ROBO1: variants seen among roughly 807,000 people sequenced by gnomAD.
ROBO1 encodes roundabout guidance receptor 1, also known as roundabout homolog 1.
Under a neutral mutation model 195.9 loss-of-function variants are expected in ROBO1, and 149 were observed. The observed-to-expected ratio is 0.76, with a 90% CI of 0.67 to 0.87. The LOEUF (loss-of-function observed/expected upper bound fraction) is 0.87. ROBO1 is among the 40% of genes least tolerant of loss of function. The probability of loss-of-function intolerance (pLI) is 0.00; values close to 1 mark genes in which losing one functional copy is unlikely to be tolerated. For synonymous variants in ROBO1, 816 were observed against 733.2 expected, an observed-to-expected ratio of 1.11 and a Z score of -1.82; for missense variants, 1,933 against 2,068.3, an observed-to-expected ratio of 0.93 and a Z score of 1.27.
At chr3:79,061,508 G>A (rs2108403885) in intron 3 of ROBO1, among the ~76,000 whole-genome samples, 1 of 152,012 alleles carries the variant, frequency 6.6e-6, no homozygotes, top group East Asian at 1.9e-4. Context: ...CTACTTTAAA[G>A]TTCATATGGA....
At chr3:79,406,373 A>G (rs1284859045) in intron 2 of ROBO1, among the ~76,000 whole-genome samples, 2 of 151,892 alleles carry the variant, frequency 1.3e-5, no homozygotes, top group Admixed American at 6.6e-5. Flanking sequence ...TCAATGCTAC[A>G]GTGAGCTAGG....
chr3:79,714,284 C>G (rs1055771747), intron 1 of ROBO1, among the ~76,000 whole-genome samples: 5 of 152,092 alleles, frequency 3.3e-5, no homozygotes, highest in African/African-American at 1.2e-4. Flanking sequence ...AAATGCAAAT[C>G]AAAACCACAA....
At chr3:78,974,803 A>G (rs1035971813) in intron 3 of ROBO1, among the ~76,000 whole-genome samples, 1 of 152,218 alleles carries the variant, frequency 6.6e-6, no homozygotes, top group African/African-American at 2.4e-5. Context: ...TCAAAGATAT[A>G]TCATTTGAGA....
chr3:79,133,973 G>T (rs1158378876), intron 2 of ROBO1, among the ~76,000 whole-genome samples: 1 of 151,908 alleles, frequency 6.6e-6, no homozygotes, highest in South Asian at 2.1e-4. Flanking sequence ...GGACATAGGC[G>T]TGGGCAAGGA....
intron 2 of ROBO1, among the ~76,000 whole-genome samples, chr3:79,521,138 C>T (rs1941191322): frequency 6.6e-6 from 1 of 152,136 alleles, no homozygotes. Flanking sequence ...ACAATTGCTC[C>T]TTTTCTGATT....
chr3:79,633,705 T>C (rs1363193120), intron 1 of ROBO1, among the ~76,000 whole-genome samples: 1 of 135,678 alleles, frequency 7.4e-6, no homozygotes, highest in Admixed American at 7.9e-5. Flanking sequence ...ACATCTTTTA[T>C]ATACATACTT....
intron 1 of ROBO1, among the ~76,000 whole-genome samples, chr3:79,733,339 T>C (rs1424980470): frequency 6.6e-6 from 1 of 152,230 alleles, no homozygotes; most frequent in Non-Finnish European, 1.5e-5. Flanking sequence ...TGAGATATTG[T>C]TGTAGGATGA....
chr3:79,430,163 T>C (rs1167864147), intron 2 of ROBO1, among the ~76,000 whole-genome samples: 1 of 152,120 alleles, frequency 6.6e-6, no homozygotes, highest in African/African-American at 2.4e-5. Flanking sequence ...ATCAACTTGT[T>C]AAGGTACTAT....
intron 4 of ROBO1, among the ~76,000 whole-genome samples, chr3:78,863,233 A>G (rs1273587091): frequency 6.6e-6 from 1 of 152,156 alleles, no homozygotes; most frequent in African/African-American, 2.4e-5. Context: ...CCTGTGTCTC[A>G]CACCTAGTGA....
At position 78,857,239 on chromosome 3, in the gene ROBO1, G is replaced by T. The variant is rs986181371; in HGVS notation, c.499+81362C>A. Among the ~76,000 whole-genome samples, 3 of 152,118 alleles carry T rather than the reference G, an allele frequency of 2.0e-5. No homozygotes were observed. The East Asian group carries it at 5.8e-4, about 29-fold the overall frequency. Reference sequence around the variant, plus strand: ...TACTGAAAATGTCTACATAAAAAAGGTTGTAGCCTCATAGGCAAGTTTCAT... The same window carrying T: ...TACTGAAAATGTCTACATAAAAAAGTTTGTAGCCTCATAGGCAAGTTTCAT... On this transcript the variant is annotated intron_variant, in intron 4 of 30. Coordinates refer to ENST00000464233, the MANE Select transcript of ROBO1 (RefSeq NM_002941.4).
chr3:79,429,261 C>T (rs2038576920), intron 2 of ROBO1, among the ~76,000 whole-genome samples: 1 of 152,122 alleles, frequency 6.6e-6, no homozygotes, highest in Non-Finnish European at 1.5e-5. Flanking sequence ...ATTGGAGTTG[C>T]TGGTTCATCC....
intron 10 of ROBO1, 128 bp from the exon 11 acceptor site, chr3:78,670,429 G>C (rs1344568272): frequency 1.8e-5 from 13 of 718,240 alleles, no homozygotes; most frequent in South Asian, 1.3e-4. Flanking sequence ...TAAAGTAGCA[G>C]ACATGCATTA....
chr3:79,497,286 T>C (rs1939799506), intron 2 of ROBO1, among the ~76,000 whole-genome samples: 2 of 152,228 alleles, frequency 1.3e-5, no homozygotes, highest in African/African-American at 4.8e-5. Flanking sequence ...TTGTCAAAAC[T>C]GAATTTCAAA....
intron 3 of ROBO1, among the ~76,000 whole-genome samples, chr3:79,054,448 T>C (rs576442286): frequency 4.6e-5 from 7 of 152,182 alleles, no homozygotes; most frequent in South Asian, 2.1e-4. Flanking sequence ...AAAATGGCCA[T>C]GCATTCCATC....
intron 4 of ROBO1, among the ~76,000 whole-genome samples, chr3:78,760,169 G>A (rs546079426): frequency 5.9e-5 from 9 of 152,100 alleles, no homozygotes; most frequent in Admixed American, 4.6e-4. Context: ...TTCACCTTCC[G>A]CCATGATTGT....
chr3:79,675,365 T>A (rs1222063085), intron 1 of ROBO1, among the ~76,000 whole-genome samples: 1 of 152,012 alleles, frequency 6.6e-6, no homozygotes, highest in Non-Finnish European at 1.5e-5. Flanking sequence ...AATTATTCAG[T>A]CTAATGGAGG....
intron 3 of ROBO1, among the ~76,000 whole-genome samples, chr3:78,981,787 C>T (rs1018574994): frequency 2.4e-4 from 30 of 127,532 alleles, no homozygotes; most frequent in African/African-American, 9.5e-4. Context: ...TGGCCCCTGC[C>T]AACACACACA....
chr3:78,636,219 G>A, intron 22 of ROBO1, 111 bp from the exon 23 acceptor site: 1 of 724,094 alleles, frequency 1.4e-6, no homozygotes, highest in East Asian at 2.7e-5. Flanking sequence ...TAAAGTACAA[G>A]TGGGCTTAAA....
intron 2 of ROBO1, among the ~76,000 whole-genome samples, chr3:79,483,815 G>C (rs962590168): frequency 1.3e-5 from 2 of 152,054 alleles, no homozygotes; most frequent in Non-Finnish European, 2.9e-5. Flanking sequence ...GATCTGGGAC[G>C]GGGTTGGGGG....
Sources: gnomAD v4.1 joint callset for allele counts (sites outside exome capture counted in the v4.1 genomes callset) on GRCh38, gnomAD v4.1.1 for gene constraint, MANE v1.5 for transcripts, NCBI Gene and HGNC (gene_info 2026-07-23, HGNC 2026-07-21) for gene names.